GALNT17: variants seen among roughly 807,000 people sequenced by gnomAD.
GALNT17 encodes UDP-GalNAc:polypeptide N-acetylgalactosaminyltransferase-like 3.
In GALNT17, 29 loss-of-function variants were observed where a neutral mutation model predicts 63.7. That is an observed-to-expected ratio of 0.46 (90% CI 0.34 to 0.62). The LOEUF (loss-of-function observed/expected upper bound fraction) is 0.62. Ranked by LOEUF, GALNT17 falls within the 20% of genes least tolerant of loss-of-function variation. The pLI is 0.01. For missense variants in GALNT17, 603 were observed against 799.6 expected, an observed-to-expected ratio of 0.75 and a Z score of 2.97; for synonymous variants, 305 against 318.3, an observed-to-expected ratio of 0.96 and a Z score of 0.45.
intron 5 of GALNT17, among the ~76,000 whole-genome samples, chr7:71,455,670 A>G (rs1305686158): frequency 1.3e-5 from 2 of 152,198 alleles, no homozygotes; most frequent in African/African-American, 4.8e-5. Context: ...GCTCTCTCTC[A>G]TGCTCATAGT....
At chr7:71,215,601 T>C (rs1247696735) in intron 1 of GALNT17, among the ~76,000 whole-genome samples, 2 of 152,106 alleles carry the variant, frequency 1.3e-5, no homozygotes, top group South Asian at 2.1e-4. Flanking sequence ...TCTTTTTCGC[T>C]CCCACCCCAC....
chr7:71,231,777 A>G (rs1250485610), intron 1 of GALNT17, among the ~76,000 whole-genome samples: 1 of 149,144 alleles, frequency 6.7e-6, no homozygotes, highest in Non-Finnish European at 1.5e-5. Flanking sequence ...AGAGGGAGAG[A>G]GAGAGCGCTT....
intron 1 of GALNT17, among the ~76,000 whole-genome samples, chr7:71,218,313 G>A (rs1034206440): frequency 6.7e-6 from 1 of 150,308 alleles, no homozygotes; most frequent in African/African-American, 2.5e-5. Flanking sequence ...TTTTCCCTAT[G>A]GTGGGGCACA....
intron 5 of GALNT17, among the ~76,000 whole-genome samples, chr7:71,549,225 C>T (rs1245980531): frequency 2.0e-5 from 3 of 152,128 alleles, no homozygotes; most frequent in Admixed American, 2.0e-4. Flanking sequence ...GGCTTTTAGA[C>T]CTATATGGCT....
intron 1 of GALNT17, among the ~76,000 whole-genome samples, chr7:71,147,105 A>C (rs946032044): frequency 6.6e-6 from 1 of 152,202 alleles, no homozygotes; most frequent in African/African-American, 2.4e-5. Context: ...TGCATGTGTA[A>C]AATGAGACCG....
intron 8 of GALNT17, among the ~76,000 whole-genome samples, chr7:71,674,388 C>G (rs148655674): frequency 4.7e-4 from 71 of 151,994 alleles, no homozygotes; most frequent in Admixed American, 1.7e-3. Flanking sequence ...CTCTGTTGCC[C>G]AGGCTACAGT....
At chr7:71,578,224 T>TG (rs1053422279) in intron 6 of GALNT17, among the ~76,000 whole-genome samples, 22 of 151,840 alleles carry the variant, frequency 1.4e-4, no homozygotes, top group African/African-American at 4.8e-4. Flanking sequence ...TTAATAGAGA[T>TG]GGGGTTTCAC....
intron 2 of GALNT17, among the ~76,000 whole-genome samples, chr7:71,364,906 T>C (rs1411607281): frequency 6.6e-6 from 1 of 150,612 alleles, no homozygotes; most frequent in Non-Finnish European, 1.5e-5. Context: ...CCCAGATTTC[T>C]AAAAGGAATC....
intron 2 of GALNT17, among the ~76,000 whole-genome samples, chr7:71,366,375 G>A (rs529116669): frequency 6.6e-6 from 1 of 152,252 alleles, no homozygotes; most frequent in African/African-American, 2.4e-5. Flanking sequence ...GAAGTCAAGA[G>A]ATCGAGACCA....
chr7:71,248,231 A>T (rs1350841503), intron 1 of GALNT17, among the ~76,000 whole-genome samples: 1 of 152,182 alleles, frequency 6.6e-6, no homozygotes, highest in Non-Finnish European at 1.5e-5. Context: ...AAACCATGAG[A>T]TCTCGTGAGA....
chr7:71,413,132 A>G (rs749985530), intron 3 of GALNT17, among the ~76,000 whole-genome samples: 5 of 152,198 alleles, frequency 3.3e-5, no homozygotes, highest in Non-Finnish European at 5.9e-5. Context: ...ACTGTCATCT[A>G]AGTAGATCCA....
At chr7:71,544,581 A>G (rs1053025846) in intron 5 of GALNT17, among the ~76,000 whole-genome samples, 3 of 152,206 alleles carry the variant, frequency 2.0e-5, no homozygotes, top group African/African-American at 7.2e-5. Flanking sequence ...AGACTCAATC[A>G]ACCTAAGCAG....
intron 9 of GALNT17, among the ~76,000 whole-genome samples, chr7:71,681,598 G>A (rs1406525411): frequency 6.6e-6 from 1 of 152,182 alleles, no homozygotes; most frequent in Non-Finnish European, 1.5e-5. Flanking sequence ...CCACTCCTGG[G>A]CCCCATGGCT....
In GALNT17 at chr7:71,530,691, C is replaced by T. The variant is rs559824917; in HGVS notation, c.963-40594C>T. On this transcript the variant is annotated intron_variant, in intron 5 of 10. Transcript: ENST00000333538. ...CACACCATTCTCCTGCCTCAGCCTC[C>T]CAAATAGCTGGGACTACAGGCGCCC... Among the ~76,000 whole-genome samples, 97 of 152,230 alleles carry T rather than the reference C, an allele frequency of 6.4e-4. 1 individual carries two copies. Among genetic ancestry groups the T allele is most frequent in the African/African-American group, 2.3e-3 (95 of 41,542 alleles).
intron 2 of GALNT17, among the ~76,000 whole-genome samples, chr7:71,387,770 G>C (rs1792973483): frequency 6.6e-6 from 1 of 152,100 alleles, no homozygotes; most frequent in African/African-American, 2.4e-5. Context: ...AGGCAGCACA[G>C]GTAGATGCGG....
intron 1 of GALNT17, among the ~76,000 whole-genome samples, chr7:71,164,620 G>A (rs1562877758): frequency 6.6e-6 from 1 of 152,188 alleles, no homozygotes. Context: ...ATGTGGTTCT[G>A]TCTTCAACAC....
chr7:71,667,348 T>C (rs936248050), intron 7 of GALNT17, among the ~76,000 whole-genome samples: 16 of 152,250 alleles, frequency 1.1e-4, no homozygotes, highest in Admixed American at 8.5e-4. Flanking sequence ...TGTTAAGTAA[T>C]AAGTGCTTTT....
intron 3 of GALNT17, among the ~76,000 whole-genome samples, chr7:71,414,323 G>C (rs1485355347): frequency 6.6e-6 from 1 of 152,152 alleles, no homozygotes; most frequent in Non-Finnish European, 1.5e-5. Context: ...TTATGTAATT[G>C]ATCAACATTA....
At chr7:71,418,954 G>A (rs569519343) in intron 4 of GALNT17, among the ~76,000 whole-genome samples, 12 of 152,172 alleles carry the variant, frequency 7.9e-5, no homozygotes, top group Admixed American at 3.9e-4. Context: ...AAATACAGGC[G>A]CCTGTAATCC....
Sources: gnomAD v4.1 joint callset for allele counts (sites outside exome capture counted in the v4.1 genomes callset) on GRCh38, gnomAD v4.1.1 for gene constraint, MANE v1.5 for transcripts, NCBI Gene and HGNC (gene_info 2026-07-23, HGNC 2026-07-21) for gene names.